The following RARB variants were observed in gnomAD, a reference collection of about 807,000 sequenced individuals.
The protein encoded by RARB is retinoic acid receptor beta.
RARB carries 17 observed loss-of-function variants against 51.9 expected under a neutral mutation model. The ratio of observed to expected loss-of-function variants is 0.33; its 90% CI spans 0.22 to 0.49. The LOEUF (loss-of-function observed/expected upper bound fraction) is 0.49, where lower values mean the gene tolerates loss of function less well. Ranked by LOEUF, RARB falls within the 20% of genes least tolerant of loss-of-function variation. The probability of loss-of-function intolerance (pLI) is 0.99; values close to 1 mark genes in which losing one functional copy is unlikely to be tolerated. For synonymous variants in RARB, 215 were observed against 195.4 expected, an observed-to-expected ratio of 1.10 and a Z score of -0.84; for missense variants, 369 against 550.8, an observed-to-expected ratio of 0.67 and a Z score of 3.30.
intron 5 of RARB, among the ~76,000 whole-genome samples, chr3:25,370,407 G>C (rs757494259): frequency 6.6e-6 from 1 of 152,160 alleles, no homozygotes; most frequent in Non-Finnish European, 1.5e-5. Context: ...GCTTACACAA[G>C]TACCTTAAGG....
At chr3:25,283,156 CT>C (rs1703565876) in intron 5 of RARB, among the ~76,000 whole-genome samples, 1 of 152,136 alleles carries the variant, frequency 6.6e-6, no homozygotes, top group South Asian at 2.1e-4. Context: ...CAGATCATTC[CT>C]TTTGGCTGCT....
rs71057686 is a variant in RARB at position 24,889,675 on chromosome 3, A to AGTGTGTGTGTGTGTGTGT, written c.-380+30940_-380+30957dup. On this transcript the variant is annotated intron_variant, in intron 2 of 11. Coordinates refer to the RARB transcript ENST00000383772. ...ACAAATGTATTGAATCACCTCTTAA[A>AGTGTGTGTGTGTGTGTGT]GTGTGTGTGTGTGTGTGTGTGTGTG... 2.6e-3 allele frequency among the ~76,000 whole-genome samples: 377 copies of AGTGTGTGTGTGTGTGTGT among 142,940 alleles called. 1 individual carries two copies. Among genetic ancestry groups the AGTGTGTGTGTGTGTGTGT allele is most frequent in the Middle Eastern group, 0.025 (7 of 282 alleles). 93.8% of individuals were successfully genotyped at this position (142,940 alleles called of 152,430 possible).
chr3:25,169,152 T>C (rs144653841), intron 4 of RARB, among the ~76,000 whole-genome samples: 27 of 152,262 alleles, frequency 1.8e-4, no homozygotes, highest in Non-Finnish European at 3.4e-4. Context: ...ATGCAGAGTC[T>C]CAAAAAATTT....
intron 5 of RARB, among the ~76,000 whole-genome samples, chr3:25,260,124 T>A (rs1490750224): frequency 6.6e-6 from 1 of 152,150 alleles, no homozygotes; most frequent in African/African-American, 2.4e-5. Flanking sequence ...ACTGACTCTG[T>A]TCTGAGATCA....
intron 1 of RARB, among the ~76,000 whole-genome samples, chr3:24,857,435 T>C (rs1702656188): frequency 6.6e-6 from 1 of 152,238 alleles, no homozygotes; most frequent in African/African-American, 2.4e-5. Context: ...TAAATTTGAA[T>C]TTTTGATACA....
intron 5 of RARB, among the ~76,000 whole-genome samples, chr3:25,223,298 A>T (rs573996712): frequency 2.6e-5 from 4 of 152,296 alleles, no homozygotes; most frequent in Non-Finnish European, 4.4e-5. Flanking sequence ...GTGTTGTTGT[A>T]TGTATTCATA....
In RARB at chr3:25,186,198, A is replaced by G. The variant is rs192002500; in HGVS notation, c.178+11623A>G. 6.6e-3 allele frequency among the ~76,000 whole-genome samples: 1,010 copies of G among 152,218 alleles called. 8 individuals are homozygous for G. Among genetic ancestry groups the G allele is most frequent in the African/African-American group, 0.022 (908 of 41,548 alleles). On this transcript the variant is annotated intron_variant, in intron 5 of 11. Transcript: ENST00000383772. ...CACTAAAAAGAAATTCAGATATCCCATATCAACCTCATATTGGTGATACAA... is the reference window on the plus strand; with the variant it reads ...CACTAAAAAGAAATTCAGATATCCCGTATCAACCTCATATTGGTGATACAA...
At chr3:24,901,866 T>G (rs1037968249) in intron 2 of RARB, among the ~76,000 whole-genome samples, 6 of 152,102 alleles carry the variant, frequency 3.9e-5, no homozygotes, top group African/African-American at 1.4e-4. Context: ...CTATACCAGG[T>G]GCTAAGCATT....
intron 2 of RARB, among the ~76,000 whole-genome samples, chr3:24,891,546 C>G (rs115776393): frequency 0.023 from 3,569 of 152,272 alleles, 81 homozygotes; most frequent in Middle Eastern, 0.068. Context: ...TTACCTGTTG[C>G]TTACCCACCC....
chr3:25,216,782 A>T (rs886539076), intron 5 of RARB, among the ~76,000 whole-genome samples: 21 of 150,968 alleles, frequency 1.4e-4, no homozygotes, highest in Non-Finnish European at 2.7e-4. Flanking sequence ...TCTTCTAAAA[A>T]ATATATGTAT....
intron 2 of RARB, among the ~76,000 whole-genome samples, chr3:25,033,310 T>C (rs1162792354): frequency 6.6e-6 from 1 of 152,194 alleles, no homozygotes; most frequent in Admixed American, 6.5e-5. Context: ...TTGTTAAAGA[T>C]AGCTGTATTA....
At chr3:25,336,090 A>T (rs912293142) in intron 5 of RARB, among the ~76,000 whole-genome samples, 3 of 152,130 alleles carry the variant, frequency 2.0e-5, no homozygotes, top group African/African-American at 7.2e-5. Context: ...AAACATTCAA[A>T]GCATGCTGTG....
chr3:25,080,714 G>C (rs1313673673), intron 3 of RARB, among the ~76,000 whole-genome samples: 2 of 151,972 alleles, frequency 1.3e-5, no homozygotes, highest in Non-Finnish European at 2.9e-5. Context: ...TACATTCTTT[G>C]GAGAAATCTA....
chr3:24,910,392 C>T (rs1353816782), intron 2 of RARB, among the ~76,000 whole-genome samples: 1 of 152,142 alleles, frequency 6.6e-6, no homozygotes, highest in Non-Finnish European at 1.5e-5. Flanking sequence ...TGAAATTTAT[C>T]ATCTCATTTA....
intron 3 of RARB, among the ~76,000 whole-genome samples, chr3:25,543,535 G>A (rs1407555726): frequency 2.0e-5 from 3 of 152,162 alleles, no homozygotes; most frequent in Non-Finnish European, 4.4e-5. Flanking sequence ...CATTCTGGGT[G>A]GTTGGCCAAG....
intron 5 of RARB, among the ~76,000 whole-genome samples, chr3:25,223,586 C>T (rs967277558): frequency 1.3e-5 from 2 of 152,114 alleles, no homozygotes; most frequent in Non-Finnish European, 2.9e-5. Flanking sequence ...TAGCCCAGTA[C>T]CTGCACTTAC....
intron 5 of RARB, among the ~76,000 whole-genome samples, chr3:25,343,670 T>C (rs967573208): frequency 4.6e-5 from 7 of 152,190 alleles, no homozygotes; most frequent in African/African-American, 1.4e-4. Flanking sequence ...GATACACTAA[T>C]GTATGTTGTA....
intron 5 of RARB, among the ~76,000 whole-genome samples, chr3:25,248,321 T>G (rs1301380634): frequency 4.6e-5 from 7 of 152,204 alleles, no homozygotes; most frequent in Non-Finnish European, 7.3e-5. Context: ...TAAAATTCAT[T>G]TAGCCACTCT....
intron 2 of RARB, among the ~76,000 whole-genome samples, chr3:25,011,821 A>G (rs1697401543): frequency 6.6e-6 from 1 of 152,130 alleles, no homozygotes; most frequent in Non-Finnish European, 1.5e-5. Flanking sequence ...TCTAAGGCAA[A>G]GTAGGAATTT....
Sources: gnomAD v4.1 joint callset for allele counts (sites outside exome capture counted in the v4.1 genomes callset) on GRCh38, gnomAD v4.1.1 for gene constraint, MANE v1.5 for transcripts, NCBI Gene and HGNC (gene_info 2026-07-23, HGNC 2026-07-21) for gene names.